The following AUTS2 variants were observed in gnomAD, a reference collection of about 807,000 sequenced individuals.
AUTS2 encodes the protein autism susceptibility gene 2 protein.
Under a neutral mutation model 112.4 loss-of-function variants are expected in AUTS2, and 17 were observed. The ratio of observed to expected loss-of-function variants is 0.15; its 90% CI spans 0.10 to 0.23. The LOEUF (loss-of-function observed/expected upper bound fraction) is 0.23. AUTS2 is among the 10% of genes least tolerant of loss of function. The pLI, the probability that AUTS2 is intolerant of heterozygous loss-of-function variation, is 1.00. For synonymous variants in AUTS2, 751 were observed against 702.7 expected (o/e 1.07, Z -1.09); for missense variants, 1,510 against 1,701.6 (o/e 0.89, Z 1.98).
chr7:70,167,963 T>G lies in AUTS2; in HGVS notation c.660+33392T>G, dbSNP rs1014927292. On this transcript the variant is annotated intron_variant, in intron 4 of 18. Coordinates refer to ENST00000342771, the MANE Select transcript of AUTS2 (RefSeq NM_015570.4). ...GACATTCTCTCGGAATTTATATTAATGTAGTGCACAATATATTTGAAGTAC... is the reference window on the plus strand; with the variant it reads ...GACATTCTCTCGGAATTTATATTAAGGTAGTGCACAATATATTTGAAGTAC... Among the ~76,000 whole-genome samples, 29 of 152,214 alleles carry G rather than the reference T, an allele frequency of 1.9e-4. 1 individual carries two copies. Among genetic ancestry groups the G allele is most frequent in the Admixed American group, 1.8e-3 (27 of 15,276 alleles).
At chr7:70,736,473 G>GTT (rs1385794529) in intron 6 of AUTS2, among the ~76,000 whole-genome samples, 1 of 152,184 alleles carries the variant, frequency 6.6e-6, no homozygotes. Context: ...TTTGTTACTT[G>GTT]TTTTCCAAGA....
At chr7:70,248,717 C>T (rs1462681154) in intron 4 of AUTS2, among the ~76,000 whole-genome samples, 2 of 151,852 alleles carry the variant, frequency 1.3e-5, no homozygotes, top group Non-Finnish European at 2.9e-5. Context: ...TTCTGTAAAC[C>T]ATTTTCATTC....
intron 4 of AUTS2, among the ~76,000 whole-genome samples, chr7:70,227,825 A>G (rs1184013745): frequency 6.6e-6 from 1 of 152,108 alleles, no homozygotes; most frequent in East Asian, 1.9e-4. Context: ...GTCATTTTAA[A>G]TTTATAGATA....
At chr7:70,472,314 C>T (rs575760538) in intron 5 of AUTS2, among the ~76,000 whole-genome samples, 1 of 151,608 alleles carries the variant, frequency 6.6e-6, no homozygotes, top group African/African-American at 2.4e-5. Flanking sequence ...TATATATCAG[C>T]AGGCAAGTTG....
intron 4 of AUTS2, among the ~76,000 whole-genome samples, chr7:70,288,988 ACT>A (rs1788588845): frequency 6.6e-6 from 1 of 152,208 alleles, no homozygotes; most frequent in Admixed American, 6.5e-5. Context: ...GAATGCTGTC[ACT>A]TCAAGAGTAA....
chr7:70,768,877 C>CT (rs66614263), intron 10 of AUTS2, among the ~76,000 whole-genome samples: 3,858 of 108,204 alleles, frequency 0.036, 220 homozygotes, highest in African/African-American at 0.12. Flanking sequence ...CCAGTGATTT[C>CT]TTTTTTTTTT....
intron 5 of AUTS2, among the ~76,000 whole-genome samples, chr7:70,515,721 T>C (rs1338459286): frequency 6.6e-6 from 1 of 152,176 alleles, no homozygotes; most frequent in Non-Finnish European, 1.5e-5. Flanking sequence ...TCTCTTTTTT[T>C]TTAAATTTTA....
chr7:70,577,410 C>T (rs57441877), intron 5 of AUTS2, among the ~76,000 whole-genome samples: 4 of 152,128 alleles, frequency 2.6e-5, no homozygotes, highest in Non-Finnish European at 4.4e-5. Context: ...AATCCTCCCC[C>T]CTCCCTGTTA....
chr7:69,773,779 T>C (rs2129302333), intron 1 of AUTS2, among the ~76,000 whole-genome samples: 1 of 152,154 alleles, frequency 6.6e-6, no homozygotes, highest in Non-Finnish European at 1.5e-5. Context: ...GAGCCAGGAG[T>C]ATCAGCGGGG....
chr7:70,310,848 G>A (rs1477703917), intron 4 of AUTS2, among the ~76,000 whole-genome samples: 2 of 152,062 alleles, frequency 1.3e-5, no homozygotes, highest in East Asian at 3.8e-4. Context: ...TAGAATACTT[G>A]TCATGCCAAA....
chr7:70,766,009 A>AC lies in AUTS2; in HGVS notation c.1469-101dup. 2.7e-6 allele frequency: 4 copies of AC among 1,504,328 alleles called. No homozygotes were observed. Among genetic ancestry groups the AC allele is most frequent in the Non-Finnish European group, 3.6e-6 (4 of 1,125,426 alleles). The allele number at this position is 1,504,328 out of a possible 1,614,324, so 93.2% of individuals were successfully genotyped here. On this transcript the variant is annotated intron_variant, in intron 8 of 18. Coordinates refer to ENST00000342771, the MANE Select transcript of AUTS2 (RefSeq NM_015570.4). This position sits in a 1 kb window ranked among gnomAD's most constrained non-coding sequence, Gnocchi z 4.8. ...TCTCAGGGCCCAGCCACACCCTGTC[A>AC]CCCCTGCCACTGTGTCACCAGCCCC...
chr7:70,361,346 C>T (rs766058113), intron 4 of AUTS2, among the ~76,000 whole-genome samples: 1 of 151,906 alleles, frequency 6.6e-6, no homozygotes, highest in Non-Finnish European at 1.5e-5. Context: ...AAAAAAAAAT[C>T]GATTCTTGGA....
intron 2 of AUTS2, among the ~76,000 whole-genome samples, chr7:70,099,380 T>C (rs1308235610): frequency 6.6e-6 from 1 of 152,320 alleles, no homozygotes; most frequent in East Asian, 1.9e-4. Context: ...TCTTAGCATC[T>C]TCCTTAACTT....
chr7:70,202,888 C>T (rs1810359870), intron 4 of AUTS2, among the ~76,000 whole-genome samples: 1 of 26,978 alleles, frequency 3.7e-5, no homozygotes, highest in South Asian at 2.8e-3. Context: ...TATAAAGACA[C>T]ATGCACACAT....
chr7:69,702,920 A>G (rs1197691192), intron 1 of AUTS2, among the ~76,000 whole-genome samples: 1 of 152,206 alleles, frequency 6.6e-6, no homozygotes, highest in Non-Finnish European at 1.5e-5. Context: ...TAGGCACAGC[A>G]CAAAGCCAAC....
intron 2 of AUTS2, among the ~76,000 whole-genome samples, chr7:70,055,508 C>A (rs1225987175): frequency 6.6e-6 from 1 of 152,164 alleles, no homozygotes; most frequent in African/African-American, 2.4e-5. Flanking sequence ...CTGTAAGAGT[C>A]CTTGCTTTGT....
intron 6 of AUTS2, among the ~76,000 whole-genome samples, chr7:70,714,438 A>T (rs1810241705): frequency 6.6e-6 from 1 of 152,236 alleles, no homozygotes; most frequent in African/African-American, 2.4e-5. Context: ...TTACAAAATC[A>T]CATGTTGTTA....
At chr7:70,490,271 G>A (rs1455506349) in intron 5 of AUTS2, among the ~76,000 whole-genome samples, 1 of 152,002 alleles carries the variant, frequency 6.6e-6, no homozygotes, top group Non-Finnish European at 1.5e-5. Flanking sequence ...CCTGTAGCTA[G>A]AATGAACGAG....
chr7:69,655,474 A>C (rs1448087950), intron 1 of AUTS2, among the ~76,000 whole-genome samples: 2 of 152,220 alleles, frequency 1.3e-5, no homozygotes, highest in African/African-American at 2.4e-5. Flanking sequence ...TCATCTGGGA[A>C]CGGTTAGAAT....
Sources: allele counts gnomAD v4.1 joint callset (sites outside exome capture counted in the v4.1 genomes callset), GRCh38; gene constraint gnomAD v4.1.1; non-coding constraint Gnocchi (gnomAD v3.1); transcripts MANE v1.5; gene names NCBI Gene and HGNC (gene_info 2026-07-23, HGNC 2026-07-21).